The following NEK11 variants were observed in gnomAD, a reference collection of about 807,000 sequenced individuals.
The protein encoded by NEK11 is NIMA related kinase 11.
In NEK11, 72 loss-of-function variants were observed where a neutral mutation model predicts 80.7. That is an observed-to-expected ratio of 0.89 (90% CI 0.74 to 1.08). NEK11 has a LOEUF of 1.08. NEK11 is among the 50% of genes least tolerant of loss of function. The pLI, the probability that NEK11 is intolerant of heterozygous loss-of-function variation, is 0.00. For missense variants in NEK11, 764 were observed against 763.6 expected (o/e 1.00, Z -0.01); for synonymous variants, 251 against 260.7 (o/e 0.96, Z 0.36).
chr3:131,087,115 C>T (rs936873533), intron 4 of NEK11, among the ~76,000 whole-genome samples: 1 of 152,082 alleles, frequency 6.6e-6, no homozygotes, highest in Non-Finnish European at 1.5e-5. Context: ...TTCACTGTTA[C>T]TCACCCCCCT....
At chr3:131,172,079 A>C (rs2092727650) in intron 14 of NEK11, among the ~76,000 whole-genome samples, 1 of 152,210 alleles carries the variant, frequency 6.6e-6, no homozygotes, top group South Asian at 2.1e-4. Context: ...ATTCCTCTGC[A>C]GTTAGAGGTA....
intron 16 of NEK11, among the ~76,000 whole-genome samples, chr3:131,248,860 A>C (rs913630955): frequency 5.9e-5 from 9 of 152,150 alleles, no homozygotes; most frequent in African/African-American, 1.9e-4. Flanking sequence ...TTCTTTTACC[A>C]GTTTCAACCA....
intron 7 of NEK11, among the ~76,000 whole-genome samples, chr3:131,140,004 T>C (rs1461978722): frequency 6.6e-6 from 1 of 152,202 alleles, no homozygotes; most frequent in Non-Finnish European, 1.5e-5. Flanking sequence ...CATAGGGGCA[T>C]GTGGCAGATT....
chr3:131,109,774 A>C, intron 4 of NEK11, 29 bp from the exon 5 acceptor site: 1 of 1,556,730 alleles, frequency 6.4e-7, no homozygotes. Flanking sequence ...TAGCTGAAAA[A>C]ATATGAAAGA....
chr3:131,263,695 A>G (rs2095981557), intron 16 of NEK11, among the ~76,000 whole-genome samples: 1 of 152,174 alleles, frequency 6.6e-6, no homozygotes, highest in Non-Finnish European at 1.5e-5. Flanking sequence ...GTGTCTTTAT[A>G]ACAGCATGAT....
intron 16 of NEK11, among the ~76,000 whole-genome samples, chr3:131,255,070 C>A (rs34577517): frequency 0.22 from 22,467 of 103,412 alleles, 2,320 homozygotes; most frequent in Non-Finnish European, 0.3. Context: ...GACAGACAGA[C>A]AGAAAGAAGG....
chr3:131,150,279 G>A (rs2089376164), intron 7 of NEK11, among the ~76,000 whole-genome samples: 1 of 151,366 alleles, frequency 6.6e-6, no homozygotes, highest in Non-Finnish European at 1.5e-5. Context: ...ATGTGCCCTT[G>A]AAAAAAAATT....
At chr3:131,201,037 A>T (rs2094206484) in intron 14 of NEK11, among the ~76,000 whole-genome samples, 1 of 152,146 alleles carries the variant, frequency 6.6e-6, no homozygotes. Flanking sequence ...ATAAAAGTAA[A>T]TGGACCTCAG....
At chr3:131,275,314 G>A (rs937090055) in intron 17 of NEK11, among the ~76,000 whole-genome samples, 1 of 152,050 alleles carries the variant, frequency 6.6e-6, no homozygotes, top group African/African-American at 2.4e-5. Flanking sequence ...TTAACAATGT[G>A]GTGTCAGATT....
intron 17 of NEK11, among the ~76,000 whole-genome samples, chr3:131,290,822 A>G (rs2096536099): frequency 6.6e-6 from 1 of 152,164 alleles, no homozygotes; most frequent in Admixed American, 6.5e-5. Context: ...CAAAATTGAG[A>G]GGAAGATACA....
intron 7 of NEK11, among the ~76,000 whole-genome samples, chr3:131,148,259 C>A (rs1393689363): frequency 6.6e-6 from 1 of 151,714 alleles, no homozygotes; most frequent in Non-Finnish European, 1.5e-5. Context: ...ATGTCGTATT[C>A]TATTTGCTAA....
At chr3:131,262,113 A>G (rs1311513648) in intron 16 of NEK11, among the ~76,000 whole-genome samples, 1 of 152,198 alleles carries the variant, frequency 6.6e-6, no homozygotes, top group African/African-American at 2.4e-5. Flanking sequence ...ACTAACCTTA[A>G]AGAAATAAAA....
At chr3:131,227,738 T>C (rs1411236682) in intron 14 of NEK11, among the ~76,000 whole-genome samples, 3 of 152,198 alleles carry the variant, frequency 2.0e-5, no homozygotes, top group Non-Finnish European at 4.4e-5. Context: ...TGGGTAGTTC[T>C]TTATTTCTAG....
At chr3:131,302,108 G>A (rs1397198626) in intron 17 of NEK11, among the ~76,000 whole-genome samples, 1 of 151,970 alleles carries the variant, frequency 6.6e-6, no homozygotes, top group African/African-American at 2.4e-5. Flanking sequence ...TTCTAGGAAT[G>A]TATCAGTTTC....
In NEK11 at chr3:131,204,641, G is replaced by A. The variant is rs1207386836; in HGVS notation, c.1400-23887G>A. 2.6e-5 allele frequency among the ~76,000 whole-genome samples: 4 copies of A among 151,598 alleles called. No homozygotes were observed. In the East Asian group the frequency reaches 7.7e-4, roughly 29 times the overall value. ...CTTCTGTATTGATTGTTTTCTTGGT[G>A]GGACAGCAGAGGAAAAATGGTTTGA... On this transcript the variant is annotated intron_variant, in intron 14 of 17. Coordinates refer to ENST00000383366, the MANE Select transcript of NEK11 (RefSeq NM_024800.5).
intron 3 of NEK11, among the ~76,000 whole-genome samples, chr3:131,057,832 G>A (rs933770926): frequency 4.6e-5 from 7 of 152,042 alleles, no homozygotes; most frequent in African/African-American, 1.7e-4. Context: ...CTCCCATTTT[G>A]TAGGTTGCCT....
rs143768917 is a variant in NEK11 at position 131,033,196 on chromosome 3, T to G, written c.170+3318T>G. On this transcript the variant is annotated intron_variant, in intron 3 of 17. Coordinates refer to ENST00000383366, the MANE Select transcript of NEK11 (RefSeq NM_024800.5). ...GGCAGGAAACTAAACTCTTTTTTTT[T>G]TGTGTTGATACTGAACCATTAGTTT... 2.1e-3 allele frequency among the ~76,000 whole-genome samples: 327 copies of G among 152,280 alleles called. 1 individual carries two copies. Among genetic ancestry groups the G allele is most frequent in the African/African-American group, 6.4e-3 (268 of 41,554 alleles).
chr3:131,234,635 C>A (rs912049141), intron 15 of NEK11, among the ~76,000 whole-genome samples: 1 of 152,084 alleles, frequency 6.6e-6, no homozygotes, highest in Admixed American at 6.6e-5. Flanking sequence ...CCCTACCCCC[C>A]ATCCCAGCCC....
chr3:131,290,419 T>C (rs1286259040), intron 17 of NEK11, among the ~76,000 whole-genome samples: 1 of 152,206 alleles, frequency 6.6e-6, no homozygotes, highest in Non-Finnish European at 1.5e-5. Context: ...TCAGCAGCAA[T>C]GTTCTGATCT....
Sources: gnomAD v4.1 joint callset for allele counts (sites outside exome capture counted in the v4.1 genomes callset) on GRCh38, gnomAD v4.1.1 for gene constraint, MANE v1.5 for transcripts, NCBI Gene and HGNC (gene_info 2026-07-23, HGNC 2026-07-21) for gene names.